The following ATL2 variants were observed in gnomAD, a reference collection of about 807,000 sequenced individuals.
ATL2 encodes atlastin GTPase 2.
A neutral mutation model predicts 73.9 loss-of-function variants in ATL2; 31 were observed. That is an observed-to-expected ratio of 0.42 (90% CI 0.32 to 0.57). ATL2 has a LOEUF of 0.57. ATL2 is among the 20% of genes least tolerant of loss of function. ATL2 has a pLI of 0.14. For missense variants in ATL2, 738 were observed against 702.6 expected (o/e 1.05, Z -0.57); for synonymous variants, 291 against 237.5 (o/e 1.23, Z -2.07).
At chr2:38,346,688 T>C (rs61449765) in intron 1 of ATL2, among the ~76,000 whole-genome samples, 15,165 of 152,218 alleles carry the variant, frequency 0.1, 2,522 homozygotes, top group African/African-American at 0.34. Context: ...GAGAATCTGA[T>C]GTCACCATGG....
At chr2:38,357,352 T>C (rs1265323462) in intron 1 of ATL2, among the ~76,000 whole-genome samples, 1 of 150,968 alleles carries the variant, frequency 6.6e-6, no homozygotes, top group Non-Finnish European at 1.5e-5. Context: ...AAATAAAAAG[T>C]TTATAGTTAC....
chr2:38,344,847 T>C (rs1236860968), intron 1 of ATL2, among the ~76,000 whole-genome samples: 1 of 152,190 alleles, frequency 6.6e-6, no homozygotes, highest in African/African-American at 2.4e-5. Context: ...CTGGAGCTCT[T>C]TCTCACCAAA....
At chr2:38,350,232 T>C (rs985961453) in intron 1 of ATL2, among the ~76,000 whole-genome samples, 2 of 152,196 alleles carry the variant, frequency 1.3e-5, no homozygotes, top group African/African-American at 2.4e-5. Flanking sequence ...CAACACATTT[T>C]TGTGATTCAC....
chr2:38,343,248 C>A lies in ATL2; in HGVS notation c.363+20G>T. ...GTACTTTTTTCTTTTTAATTGGGTTCAATTTAAAAGACTATTCACCTTGTT... is the reference window on the plus strand; with the variant it reads ...GTACTTTTTTCTTTTTAATTGGGTTAAATTTAAAAGACTATTCACCTTGTT... On this transcript the variant is annotated intron_variant, in intron 2 of 12. Transcript: ENST00000378954. 1.4e-6 allele frequency: 2 copies of A among 1,474,090 alleles called. No individual in the cohort carries two copies. Among genetic ancestry groups the A allele is most frequent in the South Asian group, 1.3e-5 (1 of 76,260 alleles). 91.3% of individuals were successfully genotyped at this position (1,474,090 alleles called of 1,614,324 possible).
At chr2:38,369,155 A>C (rs1460658462) in intron 1 of ATL2, among the ~76,000 whole-genome samples, 1 of 152,166 alleles carries the variant, frequency 6.6e-6, no homozygotes, top group Non-Finnish European at 1.5e-5. Context: ...TTTTCTTGAA[A>C]ATGTACATGT....
chr2:38,327,052 TG>T (rs1668703198), intron 2 of ATL2, among the ~76,000 whole-genome samples: 1 of 145,186 alleles, frequency 6.9e-6, no homozygotes. Flanking sequence ...TTGACAAAGC[TG>T]GAAAAAAGAA....
At chr2:38,363,210 T>G (rs968086744) in intron 1 of ATL2, among the ~76,000 whole-genome samples, 2 of 152,220 alleles carry the variant, frequency 1.3e-5, no homozygotes, top group African/African-American at 4.8e-5. Flanking sequence ...GTCTTTCTAA[T>G]TGTCAAAATG....
chr2:38,367,270 C>T (rs1299944384), intron 1 of ATL2, among the ~76,000 whole-genome samples: 2 of 151,738 alleles, frequency 1.3e-5, no homozygotes, highest in African/African-American at 4.8e-5. Flanking sequence ...GCCCACTCTC[C>T]GACAATAAAA....
chr2:38,337,990 T>A (rs1407589078), intron 2 of ATL2, among the ~76,000 whole-genome samples: 1 of 152,146 alleles, frequency 6.6e-6, no homozygotes, highest in Non-Finnish European at 1.5e-5. Context: ...CTAAATTAAG[T>A]TTTGACCATT....
At chr2:38,344,690 C>T (rs1669920322) in intron 1 of ATL2, among the ~76,000 whole-genome samples, 1 of 152,078 alleles carries the variant, frequency 6.6e-6, no homozygotes, top group African/African-American at 2.4e-5. Flanking sequence ...TAACAAGTTT[C>T]CAAAAATGAT....
chr2:38,362,825 G>A (rs546725959), intron 1 of ATL2, among the ~76,000 whole-genome samples: 2 of 152,166 alleles, frequency 1.3e-5, no homozygotes, highest in African/African-American at 2.4e-5. Context: ...AAAGTAAAGC[G>A]AGCCAAGGGA....
At chr2:38,360,420 G>A (rs1484516797) in intron 1 of ATL2, among the ~76,000 whole-genome samples, 2 of 151,918 alleles carry the variant, frequency 1.3e-5, no homozygotes, top group East Asian at 3.9e-4. Flanking sequence ...TGAGTAGCTG[G>A]GACCACAGGC....
intron 2 of ATL2, among the ~76,000 whole-genome samples, chr2:38,334,931 A>ATAATATATAAATATATTT (rs1293758690): frequency 6.5e-5 from 9 of 138,178 alleles, no homozygotes; most frequent in East Asian, 4.2e-4. Context: ...TTTATATATT[A>ATAATATATAAATATATTT]TAATATATAA....
intron 2 of ATL2, among the ~76,000 whole-genome samples, chr2:38,338,852 A>C (rs1335727799): frequency 6.6e-6 from 1 of 152,196 alleles, no homozygotes; most frequent in Non-Finnish European, 1.5e-5. Flanking sequence ...CCATCACCCC[A>C]GTCTAACCAT....
intron 1 of ATL2, among the ~76,000 whole-genome samples, chr2:38,345,505 A>C (rs1669968026): frequency 6.6e-6 from 1 of 152,236 alleles, no homozygotes; most frequent in Admixed American, 6.5e-5. Flanking sequence ...AATGTGCTGA[A>C]AACAATGACA....
At chr2:38,320,972 T>C (rs1668287634) in intron 2 of ATL2, among the ~76,000 whole-genome samples, 1 of 144,202 alleles carries the variant, frequency 6.9e-6, no homozygotes, top group African/African-American at 2.6e-5. Flanking sequence ...TGAAACCCCC[T>C]CTCTACCAAA....
chr2:38,305,186 G>A (rs147608336), intron 9 of ATL2, among the ~76,000 whole-genome samples: 3,867 of 152,232 alleles, frequency 0.025, 107 homozygotes, highest in African/African-American at 0.063. Flanking sequence ...AAATATATAT[G>A]CACCCAACAC....
chr2:38,300,386 CAAAG>C, intron 9 of ATL2, 58 bp from the exon 10 acceptor site: 1 of 1,206,156 alleles, frequency 8.3e-7, no homozygotes, highest in Non-Finnish European at 1.2e-6. Context: ...TCCACATCCC[CAAAG>C]AAAGAAAAGT....
At chr2:38,300,457 A>G in intron 9 of ATL2, 129 bp from the exon 10 acceptor site, 1 of 598,396 alleles carries the variant, frequency 1.7e-6, no homozygotes, top group Non-Finnish European at 2.9e-6. Context: ...TTTAAAAATC[A>G]CCTTATTCCA....
Sources: gnomAD v4.1 joint callset for allele counts (sites outside exome capture counted in the v4.1 genomes callset) on GRCh38, gnomAD v4.1.1 for gene constraint, MANE v1.5 for transcripts, NCBI Gene and HGNC (gene_info 2026-07-23, HGNC 2026-07-21) for gene names.